ASB18: variants seen among roughly 807,000 people sequenced by gnomAD.
The protein encoded by ASB18 is ankyrin repeat and SOCS box containing 18.
Under a neutral mutation model 33.4 loss-of-function variants are expected in ASB18, and 33 were observed. The observed-to-expected ratio is 0.99, with a 90% confidence interval of 0.75 to 1.32. ASB18 has a LOEUF of 1.32. ASB18 is among the 40% of genes most tolerant of loss of function. The probability of loss-of-function intolerance (pLI) is 0.00; values close to 1 mark genes in which losing one functional copy is unlikely to be tolerated. For missense variants in ASB18, 694 were observed against 655.5 expected (o/e 1.06, Z -0.64); for synonymous variants, 295 against 307.6 (o/e 0.96, Z 0.43).
Position 236,255,348 on chromosome 2 carries a change from T to A in ASB18, c.205+8793A>T, listed in dbSNP as rs2060687568. 6.6e-6 allele frequency among the ~76,000 whole-genome samples: 1 copy of A among 152,160 alleles called. No individual in the cohort carries two copies. Among genetic ancestry groups the A allele is most frequent in the South Asian group, 2.1e-4 (1 of 4,832 alleles). On this transcript the variant is annotated intron_variant, in intron 1 of 5. Transcript: ENST00000409749. The surrounding 1 kb of genome is among the most constrained non-coding windows in gnomAD (Gnocchi z 4.4). ...TTGTAGAGACGGGGTTTCACCATGT[T>A]GGCCAGACTGGTCTTGAACTCCTGA... is the stretch of plus-strand genomic sequence containing the variant.
Position 236,241,161 on chromosome 2 carries a change from T to C in ASB18, c.328+119A>G. ...GAGCAAACTTCATCAGATGTCCTTT[T>C]CTTGTGTACGTTAAACCCAGTGCCA... On this transcript the variant is annotated intron_variant, in intron 2 of 5. Coordinates refer to ENST00000409749, the MANE Select transcript of ASB18 (RefSeq NM_212556.4). The surrounding 1 kb of genome is among the most constrained non-coding windows in gnomAD (Gnocchi z 4.2). 2.0e-6 allele frequency: 2 copies of C among 1,003,668 alleles called. No individual in the cohort carries two copies. The highest frequency in any genetic ancestry group is 1.5e-5 in the South Asian group (1 of 65,452). The allele number at this position is 1,003,668 out of a possible 1,614,324, so 62.2% of individuals were successfully genotyped here. A position where few individuals can be genotyped will look rare whatever the true frequency, so the allele number is the denominator to read the frequency against.
rs542665425 is a variant in ASB18 at position 236,252,313 on chromosome 2, G to A, written c.206-10911C>T. On this transcript the variant is annotated intron_variant, in intron 1 of 5. Coordinates refer to ENST00000409749, the MANE Select transcript of ASB18 (RefSeq NM_212556.4). This position sits in a 1 kb window ranked among gnomAD's most constrained non-coding sequence, Gnocchi z 7.9. ...CACACACACACACACACACACAGTA[G>A]AAATCCTTGCCTTTAAGGAGTGTTG... Among the ~76,000 whole-genome samples the A allele has an allele frequency of 1.3e-3, 146 of 109,266 alleles. No individual in the cohort carries two copies. Among genetic ancestry groups the A allele is most frequent in the Admixed American group, 5.7e-3 (61 of 10,758 alleles). 71.7% of individuals were successfully genotyped at this position (109,266 alleles called of 152,430 possible). A position where few individuals can be genotyped will look rare whatever the true frequency, so the allele number is the denominator to read the frequency against.
intron 4 of ASB18, among the ~76,000 whole-genome samples, chr2:236,199,645 A>C (rs1352063668): frequency 6.6e-6 from 1 of 151,826 alleles, no homozygotes; most frequent in African/African-American, 2.4e-5. Context: ...GAAATAGTAG[A>C]GTATACATAA....
chr2:236,238,610 GGT>G lies in ASB18; in HGVS notation c.329-656_329-655del, dbSNP rs149889496. ...GGTTTGTTTCTTTGCGCTTTTTAGG[GGT>G]GTGTGTGTGTGTGTGTGTAGGGTTG... is the stretch of plus-strand genomic sequence containing the variant. On this transcript the variant is annotated intron_variant, in intron 2 of 5. Coordinates refer to ENST00000409749, the MANE Select transcript of ASB18 (RefSeq NM_212556.4). The surrounding 1 kb of genome is among the most constrained non-coding windows in gnomAD (Gnocchi z 5.2). Among the ~76,000 whole-genome samples the G allele has an allele frequency of 4.7e-5, 7 of 150,258 alleles. No homozygotes were observed. The highest frequency in any genetic ancestry group is 2.1e-4 in the South Asian group (1 of 4,744).
At chr2:236,236,425 G>T (rs1399007255) in intron 3 of ASB18, among the ~76,000 whole-genome samples, 1 of 152,172 alleles carries the variant, frequency 6.6e-6, no homozygotes, top group Non-Finnish European at 1.5e-5. Context: ...CAGGGGGAAT[G>T]ATAAATATCT....
In ASB18 at chr2:236,250,106, G is replaced by A. The variant is rs1222737899; in HGVS notation, c.206-8704C>T. 1.3e-5 allele frequency: 2 copies of A among 152,120 alleles called. No individual in the cohort carries two copies. The highest frequency in any genetic ancestry group is 2.9e-5 in the Non-Finnish European group (2 of 68,026). 9.4% of individuals were successfully genotyped at this position (152,120 alleles called of 1,614,324 possible). ...AAAATCCACCTTGAAATTATAATGG[G>A]GTATCCACATGGTAGTGTTTGAATG... On this transcript the variant is annotated intron_variant, in intron 1 of 5. Coordinates refer to ENST00000409749, the MANE Select transcript of ASB18 (RefSeq NM_212556.4). The surrounding 1 kb of genome is among the most constrained non-coding windows in gnomAD (Gnocchi z 4.1).
chr2:236,198,209 A>G (rs2060383362), intron 4 of ASB18, among the ~76,000 whole-genome samples: 1 of 152,190 alleles, frequency 6.6e-6, no homozygotes, highest in Non-Finnish European at 1.5e-5. Context: ...TCCTCTGGCT[A>G]GAGGTAACTA....
chr2:236,222,198 CCCTT>C lies in ASB18; in HGVS notation c.597-7336_597-7333del, dbSNP rs2060516002. 6.6e-6 allele frequency among the ~76,000 whole-genome samples: 1 copy of C among 152,136 alleles called. No individual in the cohort carries two copies. The highest frequency in any genetic ancestry group is 1.5e-5 in the Non-Finnish European group (1 of 68,016). On this transcript the variant is annotated intron_variant, in intron 3 of 5. Coordinates refer to ENST00000409749, the MANE Select transcript of ASB18 (RefSeq NM_212556.4). The surrounding 1 kb of genome is among the most constrained non-coding windows in gnomAD (Gnocchi z 5.5). The stretch of plus-strand genomic sequence containing the variant: ...TTTCCTTTGGGGATCTTCCATCTAC[CCCTT>C]TCTGTTCTGCATTTTCTTTTCTCTC...
Position 236,232,734 on chromosome 2 carries a change from CA to C in ASB18, c.596+4954del, listed in dbSNP as rs1265713153. Among the ~76,000 whole-genome samples, 283 of 149,468 alleles carry C rather than the reference CA, an allele frequency of 1.9e-3. 11 individuals are homozygous for C. In the East Asian group the frequency reaches 0.051, roughly 27 times the overall value. On this transcript the variant is annotated intron_variant, in intron 3 of 5. Transcript: ENST00000409749. ...AACTATTAAAGCATTAAAGCTCACT[CA>C]AAAAAAAAGAAATAATCTGAGTAGC...
In ASB18 at chr2:236,260,741, G is replaced by T. The variant is rs1199940965; in HGVS notation, c.205+3400C>A. Among the ~76,000 whole-genome samples the T allele has an allele frequency of 6.6e-6, 1 of 152,174 alleles. No homozygotes were observed. The highest frequency in any genetic ancestry group is 2.4e-5 in the African/African-American group (1 of 41,446). On this transcript the variant is annotated intron_variant, in intron 1 of 5. Coordinates refer to ENST00000409749, the MANE Select transcript of ASB18 (RefSeq NM_212556.4). The surrounding 1 kb of genome is among the most constrained non-coding windows in gnomAD (Gnocchi z 5.1). ...GGTTGTCAGCAGACATGAAAGTGAGGTTCTGGGTTGAGATGAGAAACCGTG... is the reference window on the plus strand; with the variant it reads ...GGTTGTCAGCAGACATGAAAGTGAGTTTCTGGGTTGAGATGAGAAACCGTG...
rs1311931087 is a variant in ASB18 at position 236,245,493 on chromosome 2, C to T, written c.206-4091G>A. Among the ~76,000 whole-genome samples, 4 of 152,216 alleles carry T rather than the reference C, an allele frequency of 2.6e-5. No individual in the cohort carries two copies. The highest frequency in any genetic ancestry group is 9.6e-5 in the African/African-American group (4 of 41,452). On this transcript the variant is annotated intron_variant, in intron 1 of 5. Transcript: ENST00000409749. The surrounding 1 kb of genome is among the most constrained non-coding windows in gnomAD (Gnocchi z 4.7). ...TGCCACACCTTAGTATAGGGGTCTG[C>T]AGTCCCCAGATAGTGCCTTCGTCTC... is the stretch of plus-strand genomic sequence containing the variant.
At position 236,209,862 on chromosome 2, in the gene ASB18, A is replaced by G. The variant is rs770055786; in HGVS notation, c.1101+4500T>C. ...CTCCAACGACTAGCTCATTTTTCCA[A>G]CTGCACACATTGCCGTGCCTGTCCT... On this transcript the variant is annotated intron_variant, in intron 4 of 5. Coordinates refer to ENST00000409749, the MANE Select transcript of ASB18 (RefSeq NM_212556.4). The surrounding 1 kb of genome is among the most constrained non-coding windows in gnomAD (Gnocchi z 4.4). 6.6e-6 allele frequency among the ~76,000 whole-genome samples: 1 copy of G among 151,982 alleles called. No homozygotes were observed. The highest frequency in any genetic ancestry group is 2.1e-4 in the South Asian group (1 of 4,818).
rs768694559 is a variant in ASB18 at position 236,231,715 on chromosome 2, G to A, written c.596+5974C>T. 6.6e-5 allele frequency among the ~76,000 whole-genome samples: 10 copies of A among 152,156 alleles called. No homozygotes were observed. Among genetic ancestry groups the A allele is most frequent in the Non-Finnish European group, 1.2e-4 (8 of 68,036 alleles). The stretch of plus-strand genomic sequence containing the variant: ...GGCCTCCCAAAGTGCTGGGATTACT[G>A]GTGTGATCCACTGCACCTGGCCTAG... On this transcript the variant is annotated intron_variant, in intron 3 of 5. Coordinates refer to ENST00000409749, the MANE Select transcript of ASB18 (RefSeq NM_212556.4). This position sits in a 1 kb window ranked among gnomAD's most constrained non-coding sequence, Gnocchi z 5.5.
At position 236,215,158 on chromosome 2, in the gene ASB18, G is replaced by A. The variant is rs2060482142; in HGVS notation, c.597-292C>T. The stretch of plus-strand genomic sequence containing the variant: ...TAACTGCTTGGAGCTTCCTGGGAAG[G>A]TGATGTGGTTCAAATGACGGTGCTC... On this transcript the variant is annotated intron_variant, in intron 3 of 5. Transcript: ENST00000409749. The surrounding 1 kb of genome is among the most constrained non-coding windows in gnomAD (Gnocchi z 7.2). 6.6e-6 allele frequency among the ~76,000 whole-genome samples: 1 copy of A among 152,158 alleles called. No individual in the cohort carries two copies. Among genetic ancestry groups the A allele is most frequent in the Non-Finnish European group, 1.5e-5 (1 of 68,026 alleles).
At chr2:236,230,209 A>C (rs1261578353) in intron 3 of ASB18, among the ~76,000 whole-genome samples, 3 of 151,922 alleles carry the variant, frequency 2.0e-5, no homozygotes, top group African/African-American at 7.3e-5. Context: ...AAAAAATAAG[A>C]AGAAAATAAA....
rs2060678724 is a variant in ASB18 at position 236,253,619 on chromosome 2, C to T, written c.205+10522G>A. ...CCCAGGCTGGTCTCTAACTCCTGGCCTCAAGTGATCTTCCCACCTCAGCCT... is the reference window on the plus strand; with the variant it reads ...CCCAGGCTGGTCTCTAACTCCTGGCTTCAAGTGATCTTCCCACCTCAGCCT... On this transcript the variant is annotated intron_variant, in intron 1 of 5. Transcript: ENST00000409749. This position sits in a 1 kb window ranked among gnomAD's most constrained non-coding sequence, Gnocchi z 5.4. Among the ~76,000 whole-genome samples the T allele has an allele frequency of 6.6e-6, 1 of 151,956 alleles. No homozygotes were observed. Among genetic ancestry groups the T allele is most frequent in the South Asian group, 2.1e-4 (1 of 4,796 alleles).
At chr2:236,202,848 G>T in intron 4 of ASB18, among the ~76,000 whole-genome samples, 1 of 144,520 alleles carries the variant, frequency 6.9e-6, no homozygotes, top group East Asian at 2.0e-4. Context: ...AATCTAAATA[G>T]TATCTTTTAT....
chr2:236,196,499 C>T lies in ASB18; in HGVS notation c.1102-114G>A. 1 of 652,790 alleles carries T rather than the reference C, an allele frequency of 1.5e-6. No individual in the cohort carries two copies. Among genetic ancestry groups the T allele is most frequent in the Non-Finnish European group, 2.8e-6 (1 of 355,556 alleles). 40.4% of individuals were successfully genotyped at this position (652,790 alleles called of 1,614,324 possible). A position where few individuals can be genotyped will look rare whatever the true frequency, so the allele number is the denominator to read the frequency against. Reference sequence around the variant, plus strand: ...CCCTAGCTGTGTGACCTCCCTACGCCCAAGCCACACAGGGAACAGCAACAG... The same window carrying T: ...CCCTAGCTGTGTGACCTCCCTACGCTCAAGCCACACAGGGAACAGCAACAG... On this transcript the variant is annotated intron_variant, in intron 4 of 5. Coordinates refer to ENST00000409749, the MANE Select transcript of ASB18 (RefSeq NM_212556.4). The surrounding 1 kb of genome is among the most constrained non-coding windows in gnomAD (Gnocchi z 5.6).
At chr2:236,247,662 A>G (rs963170903) in intron 1 of ASB18, 5 of 152,232 alleles carry the variant, frequency 3.3e-5, no homozygotes, top group Non-Finnish European at 7.3e-5. Flanking sequence ...GTCAAAGCCA[A>G]TACATAGCCT....
Sources: gnomAD v4.1 joint callset for allele counts (sites outside exome capture counted in the v4.1 genomes callset) on GRCh38, gnomAD v4.1.1 for gene constraint, Gnocchi (gnomAD v3.1) non-coding constraint, MANE v1.5 for transcripts, NCBI Gene and HGNC (gene_info 2026-07-23, HGNC 2026-07-21) for gene names.